Variants in KIAA1217 observed in about 807,000 individuals in gnomAD.
KIAA1217 encodes the protein sickle tail protein homolog.
In KIAA1217, 88 loss-of-function variants were observed where a neutral mutation model predicts 163.9. That is an observed-to-expected ratio of 0.54 (90% CI 0.45 to 0.64). The LOEUF is 0.64. KIAA1217 is among the 30% of genes least tolerant of loss of function. The pLI, the probability that KIAA1217 is intolerant of heterozygous loss-of-function variation, is 0.00. For synonymous variants in KIAA1217, 903 were observed against 923.1 expected (o/e 0.98, Z 0.39); for missense variants, 2,372 against 2,475.0 (o/e 0.96, Z 0.88).
At chr10:23,981,738 A>G (rs574050691) in intron 1 of KIAA1217, among the ~76,000 whole-genome samples, 1 of 148,458 alleles carries the variant, frequency 6.7e-6, no homozygotes, top group South Asian at 2.2e-4. Context: ...GACAAGACTT[A>G]TTGGCCTCCT....
intron 2 of KIAA1217, among the ~76,000 whole-genome samples, chr10:24,225,535 A>G (rs765405636): frequency 2.6e-5 from 4 of 152,212 alleles, no homozygotes; most frequent in Non-Finnish European, 5.9e-5. Flanking sequence ...TTCAGTGCTT[A>G]GTATTCATAT....
At chr10:24,152,966 T>C (rs1043492608) in intron 2 of KIAA1217, among the ~76,000 whole-genome samples, 1 of 152,236 alleles carries the variant, frequency 6.6e-6, no homozygotes, top group African/African-American at 2.4e-5. Flanking sequence ...AATAACAGTC[T>C]TGTATGCAAC....
chr10:24,350,523 G>A (rs979838869), intron 2 of KIAA1217, among the ~76,000 whole-genome samples: 2 of 152,152 alleles, frequency 1.3e-5, no homozygotes, highest in African/African-American at 4.8e-5. Context: ...TGCTTTTGAT[G>A]TGTTTTCATG....
intron 3 of KIAA1217, among the ~76,000 whole-genome samples, chr10:24,381,674 A>T (rs2053323478): frequency 6.6e-6 from 1 of 152,226 alleles, no homozygotes. Context: ...TGCCAAAAAA[A>T]ATTAGGGACC....
At chr10:24,419,232 C>T (rs2058534951) in intron 3 of KIAA1217, among the ~76,000 whole-genome samples, 1 of 151,024 alleles carries the variant, frequency 6.6e-6, no homozygotes, top group African/African-American at 2.4e-5. Context: ...TCTTTGCTTT[C>T]TATAACCACT....
chr10:24,416,652 T>A (rs547862994), intron 3 of KIAA1217, among the ~76,000 whole-genome samples: 4 of 152,326 alleles, frequency 2.6e-5, no homozygotes, highest in Admixed American at 1.3e-4. Flanking sequence ...ATTTTAGACT[T>A]CTCTGAGCCC....
At chr10:23,703,534 G>T (rs566741908) in intron 1 of KIAA1217, among the ~76,000 whole-genome samples, 1 of 152,256 alleles carries the variant, frequency 6.6e-6, no homozygotes, top group South Asian at 2.1e-4. Context: ...GATTTGAACT[G>T]TTTGCCAATT....
At chr10:24,299,517 G>A (rs2041042014) in intron 2 of KIAA1217, among the ~76,000 whole-genome samples, 1 of 152,008 alleles carries the variant, frequency 6.6e-6, no homozygotes, top group Admixed American at 6.6e-5. Flanking sequence ...TCCCACCTCA[G>A]CCTCCCAAGT....
chr10:24,168,433 A>G (rs1260349907), intron 2 of KIAA1217, among the ~76,000 whole-genome samples: 1 of 152,206 alleles, frequency 6.6e-6, no homozygotes, highest in African/African-American at 2.4e-5. Flanking sequence ...CTGTCCAAAG[A>G]AAACTCTTAA....
rs144536276 is a variant in KIAA1217, at chr10:24,092,928, T to G, written c.-171+85554T>G. On this transcript the variant is annotated intron_variant, in intron 2 of 18. Coordinates refer to the KIAA1217 transcript ENST00000376462. ...TAGTGTGTGTGTGTGTGTGTGTGTG[T>G]TGTGTGTGTGTGTGTGTGTGTGTGT... Among the ~76,000 whole-genome samples the G allele has an allele frequency of 3.8e-3, 539 of 141,058 alleles. 6 individuals carry two copies. Among genetic ancestry groups the G allele is most frequent in the African/African-American group, 0.013 (492 of 36,512 alleles). The allele number at this position is 141,058 out of a possible 152,430, so 92.5% of individuals were successfully genotyped here.
At chr10:24,282,181 A>G (rs1049592181) in intron 2 of KIAA1217, among the ~76,000 whole-genome samples, 1 of 148,358 alleles carries the variant, frequency 6.7e-6, no homozygotes, top group Admixed American at 6.9e-5. Flanking sequence ...CAGCCTGGGC[A>G]ACATAGAGAC....
chr10:24,042,198 A>G (rs1416666858), intron 2 of KIAA1217: 1 of 151,038 alleles, frequency 6.6e-6, no homozygotes, highest in Non-Finnish European at 1.5e-5. Flanking sequence ...AGCTCAAAGG[A>G]TTTTTTAGAA....
Position 24,545,842 on chromosome 10 carries a change from A to G in KIAA1217, c.5350A>G (p.Lys1784Glu), listed in dbSNP as rs1187638959. 3.1e-6 allele frequency: 5 copies of G among 1,594,042 alleles called. No individual in the cohort carries two copies. In the African/African-American group the frequency reaches 6.8e-5, roughly 22 times the overall value. ...TTATTTGCAGGCTAATGGAAGTGCT[A>G]AGAAATCTGGTGGGGACTTTAAGCC... is the stretch of plus-strand genomic sequence containing the variant. ...RQYRQANGSA[K>E]KSGGDFKPTS... The change falls in exon 21 of 21, where the codon AAG (lysine) becomes GAG (glutamate). Residue 1784 changes from lysine (K) to glutamate (E), a missense_variant. Physicochemically the swap from Lys to Glu is moderately conservative, Grantham distance 56. Around this residue, in one of 3 missense-constraint regions of KIAA1217, gnomAD observed 690 missense variants for 677.5 expected, o/e 1.02. Coordinates refer to ENST00000376454, the MANE Select transcript of KIAA1217 (RefSeq NM_019590.5).
chr10:24,289,528 G>A (rs1346035299), intron 2 of KIAA1217, among the ~76,000 whole-genome samples: 2 of 152,130 alleles, frequency 1.3e-5, no homozygotes, highest in Non-Finnish European at 2.9e-5. Flanking sequence ...TCATGGAGGA[G>A]GAGGAGGAGG....
intron 2 of KIAA1217, chr10:24,239,204 C>T (rs2072703805): frequency 2.0e-6 from 2 of 985,320 alleles, no homozygotes; most frequent in South Asian, 4.7e-5. Flanking sequence ...CAAAAGAAAA[C>T]AGCCCAGACA....
intron 1 of KIAA1217, among the ~76,000 whole-genome samples, chr10:23,772,492 T>C (rs1834841223): frequency 6.6e-6 from 1 of 152,154 alleles, no homozygotes; most frequent in African/African-American, 2.4e-5. Context: ...GATCAGCTAA[T>C]ACTTAGGAGC....
intron 2 of KIAA1217, among the ~76,000 whole-genome samples, chr10:24,103,483 T>C (rs1353978176): frequency 6.6e-6 from 1 of 152,146 alleles, no homozygotes; most frequent in African/African-American, 2.4e-5. Context: ...TGGGAGAATA[T>C]ATTTGGAAAA....
At chr10:24,308,699 G>A (rs1181929137) in intron 2 of KIAA1217, among the ~76,000 whole-genome samples, 3 of 152,190 alleles carry the variant, frequency 2.0e-5, no homozygotes, top group Non-Finnish European at 4.4e-5. Context: ...TCCCTAAGAA[G>A]TAAGGCTCCA....
intron 2 of KIAA1217, among the ~76,000 whole-genome samples, chr10:24,178,258 A>G (rs971575191): frequency 1.3e-5 from 2 of 152,242 alleles, no homozygotes; most frequent in East Asian, 3.8e-4. Flanking sequence ...CTGTTGATGG[A>G]ATTTAATAAT....
Sources: gnomAD v4.1 joint callset for allele counts (sites outside exome capture counted in the v4.1 genomes callset) on GRCh38, gnomAD v4.1.1 for gene constraint, gnomAD v4.1.1 regional missense constraint, MANE v1.5 for transcripts, NCBI Gene and HGNC (gene_info 2026-07-23, HGNC 2026-07-21) for gene names.